The following MLLT3 variants were observed in gnomAD, a reference collection of about 807,000 sequenced individuals.
MLLT3 encodes the protein MLLT3 super elongation complex subunit.
MLLT3 carries 4 observed loss-of-function variants against 53.2 expected under a neutral mutation model. The observed-to-expected ratio is 0.08, with a 90% CI of 0.04 to 0.17. The LOEUF is 0.17. MLLT3 is among the 10% of genes least tolerant of loss of function. The pLI, the probability that MLLT3 is intolerant of heterozygous loss-of-function variation, is 1.00. For missense variants in MLLT3, 569 were observed against 684.0 expected, an observed-to-expected ratio of 0.83 and a Z score of 1.87; for synonymous variants, 283 against 230.6, an observed-to-expected ratio of 1.23 and a Z score of -2.06.
intron 2 of MLLT3, among the ~76,000 whole-genome samples, chr9:20,510,613 G>A (rs1391564867): frequency 1.6e-3 from 171 of 105,886 alleles, no homozygotes; most frequent in Non-Finnish European, 1.7e-3. Flanking sequence ...CTCCATCTCA[G>A]AAAAAAAAAA....
chr9:20,466,285 G>T (rs1824236242), intron 2 of MLLT3, among the ~76,000 whole-genome samples: 1 of 152,092 alleles, frequency 6.6e-6, no homozygotes, highest in African/African-American at 2.4e-5. Context: ...GCATTCAAAA[G>T]TTTCAGATTT....
At chr9:20,549,442 G>A (rs1818872282) in intron 2 of MLLT3, among the ~76,000 whole-genome samples, 1 of 150,388 alleles carries the variant, frequency 6.6e-6, no homozygotes, top group Admixed American at 6.7e-5. Context: ...AATAATAATA[G>A]CTAACACATA....
chr9:20,515,296 G>A (rs1278117443), intron 2 of MLLT3, among the ~76,000 whole-genome samples: 2 of 152,162 alleles, frequency 1.3e-5, no homozygotes, highest in Non-Finnish European at 2.9e-5. Flanking sequence ...TAAATGTAAC[G>A]ATGTCACTAC....
At chr9:20,481,243 A>G (rs190501331) in intron 2 of MLLT3, among the ~76,000 whole-genome samples, 3 of 152,346 alleles carry the variant, frequency 2.0e-5, no homozygotes, top group Admixed American at 6.5e-5. Context: ...GGACTCACAT[A>G]TTACATGCAG....
chr9:20,525,110 A>T (rs932473381), intron 2 of MLLT3, among the ~76,000 whole-genome samples: 3 of 150,632 alleles, frequency 2.0e-5, no homozygotes, highest in African/African-American at 7.4e-5. Context: ...AAGAAAGTAG[A>T]ATTAAGAAGA....
rs1016685253 is a variant in MLLT3 at position 20,621,646 on chromosome 9, G to T, written c.12+599C>A. On this transcript the variant is annotated intron_variant, in intron 1 of 10. Transcript: ENST00000380338. The surrounding 1 kb of genome is among the most constrained non-coding windows in gnomAD (Gnocchi z 7.0). ...ATGAAATTCAGAAAGGCAGGGCGGC[G>T]GGCGGACAGCCGCCGAGCCTCGGCT... 1 of 895,482 alleles carries T rather than the reference G, an allele frequency of 1.1e-6. No homozygotes were observed. The highest frequency in any genetic ancestry group is 3.3e-5 in the East Asian group (1 of 30,686). 55.5% of individuals were successfully genotyped at this position (895,482 alleles called of 1,614,324 possible). A position where few individuals can be genotyped will look rare whatever the true frequency, so the allele number is the denominator to read the frequency against.
At chr9:20,522,382 C>A (rs1359435557) in intron 2 of MLLT3, among the ~76,000 whole-genome samples, 1 of 151,828 alleles carries the variant, frequency 6.6e-6, no homozygotes, top group Non-Finnish European at 1.5e-5. Flanking sequence ...TGAAAGAAAG[C>A]AATTAACATA....
chr9:20,597,175 G>C (rs1420399395), intron 2 of MLLT3, among the ~76,000 whole-genome samples: 2 of 151,966 alleles, frequency 1.3e-5, no homozygotes, highest in African/African-American at 4.8e-5. Flanking sequence ...TATGGGGATA[G>C]TACAGGTAGT....
At chr9:20,398,538 G>A (rs892267604) in intron 5 of MLLT3, among the ~76,000 whole-genome samples, 3 of 151,982 alleles carry the variant, frequency 2.0e-5, no homozygotes, top group Middle Eastern at 3.2e-3. Context: ...CCTTTTACAC[G>A]GTATACAAGG....
intron 2 of MLLT3, among the ~76,000 whole-genome samples, chr9:20,461,621 T>A (rs1375162356): frequency 1.3e-5 from 2 of 151,810 alleles, no homozygotes; most frequent in Non-Finnish European, 2.9e-5. Context: ...ATAGGAACTA[T>A]TTTTTTAGCA....
rs1057457277 is a variant in MLLT3 at position 20,622,402 on chromosome 9, C to G, written c.-146G>C. The G allele has an allele frequency of 7.4e-5, 54 of 732,616 alleles. No individual in the cohort carries two copies. The highest frequency in any genetic ancestry group is 1.1e-4 in the Non-Finnish European group (49 of 464,930). The allele number at this position is 732,616 out of a possible 1,614,324, so 45.4% of individuals were successfully genotyped here. Reference sequence around the variant, plus strand: ...GATGGCGGACATTCTCTGCCTTTTTCCCCCCGCGCTCGCTTGCTCGCTCGC... The same window carrying G: ...GATGGCGGACATTCTCTGCCTTTTTGCCCCCGCGCTCGCTTGCTCGCTCGC... On this transcript the variant is annotated 5_prime_UTR_variant, in exon 1 of 11. Coordinates refer to ENST00000380338, the MANE Select transcript of MLLT3 (RefSeq NM_004529.4).
chr9:20,594,568 C>T (rs1287137524), intron 2 of MLLT3, among the ~76,000 whole-genome samples: 1 of 152,100 alleles, frequency 6.6e-6, no homozygotes, highest in Non-Finnish European at 1.5e-5. Context: ...TACTGGGCTA[C>T]ATTCCCAGAA....
At chr9:20,406,768 A>G (rs975310050) in intron 5 of MLLT3, among the ~76,000 whole-genome samples, 1 of 152,198 alleles carries the variant, frequency 6.6e-6, no homozygotes, top group Non-Finnish European at 1.5e-5. Context: ...CCACATCCCT[A>G]ACCTCTATAT....
chr9:20,506,945 G>C (rs1240716351), intron 2 of MLLT3, among the ~76,000 whole-genome samples: 1 of 151,980 alleles, frequency 6.6e-6, no homozygotes, highest in African/African-American at 2.4e-5. Flanking sequence ...GTAGGGGGTG[G>C]GTATCACTTA....
At chr9:20,590,906 ATT>A (rs34138837) in intron 2 of MLLT3, among the ~76,000 whole-genome samples, 25 of 148,606 alleles carry the variant, frequency 1.7e-4, no homozygotes, top group Non-Finnish European at 2.4e-4. Context: ...TACTTAGCTA[ATT>A]TTTTTTTTTT....
rs568050279 is a variant in MLLT3 at position 20,433,107 on chromosome 9, C to T, written c.420+15016G>A. Among the ~76,000 whole-genome samples, 4 of 151,890 alleles carry T rather than the reference C, an allele frequency of 2.6e-5. No homozygotes were observed. The South Asian group carries it at 6.2e-4, about 24-fold the overall frequency. On this transcript the variant is annotated intron_variant, in intron 4 of 10. Transcript: ENST00000380338. Reference sequence around the variant, plus strand: ...ATGTCGGGCCAAGCAAAGTAGGCAACGGTGAGGAGGAACGGCTACAGGTGG... The same window carrying T: ...ATGTCGGGCCAAGCAAAGTAGGCAATGGTGAGGAGGAACGGCTACAGGTGG...
In MLLT3 at chr9:20,488,142, A is replaced by G. The variant is rs190121661; in HGVS notation, c.194-31356T>C. ...CTTTTGAGGTAAAGATTACAGAAAC[A>G]AATTAATTAAGTCACATTAATAGAG... On this transcript the variant is annotated intron_variant, in intron 2 of 10. Transcript: ENST00000380338. Among the ~76,000 whole-genome samples, 221 of 152,230 alleles carry G rather than the reference A, an allele frequency of 1.5e-3. 2 individuals carry two copies. Among genetic ancestry groups the G allele is most frequent in the Middle Eastern group, 6.8e-3 (2 of 294 alleles).
At chr9:20,510,369 T>C (rs921658654) in intron 2 of MLLT3, among the ~76,000 whole-genome samples, 2 of 152,148 alleles carry the variant, frequency 1.3e-5, no homozygotes, top group African/African-American at 4.8e-5. Context: ...TCCCAGCACT[T>C]TGGGAGGCCA....
chr9:20,505,585 A>T (rs1825361901), intron 2 of MLLT3, among the ~76,000 whole-genome samples: 1 of 152,210 alleles, frequency 6.6e-6, no homozygotes, highest in Non-Finnish European at 1.5e-5. Context: ...ATAAGTTCTA[A>T]AATAAAAACT....
Sources: allele counts gnomAD v4.1 joint callset (sites outside exome capture counted in the v4.1 genomes callset), GRCh38; gene constraint gnomAD v4.1.1; non-coding constraint Gnocchi (gnomAD v3.1); transcripts MANE v1.5; gene names NCBI Gene and HGNC (gene_info 2026-07-23, HGNC 2026-07-21).